KIF7: variants seen among roughly 807,000 people sequenced by gnomAD.
The protein encoded by KIF7 is kinesin-like protein KIF7.
In KIF7, 104 loss-of-function variants were observed where a neutral mutation model predicts 135.7. The observed-to-expected ratio is 0.77, with a 90% CI of 0.65 to 0.90. The LOEUF is 0.90. Ranked by LOEUF, KIF7 falls within the 40% of genes least tolerant of loss-of-function variation. The pLI is 0.00. For missense variants in KIF7, 2,005 were observed against 1,839.1 expected, an observed-to-expected ratio of 1.09 and a Z score of -1.65; for synonymous variants, 883 against 809.4, an observed-to-expected ratio of 1.09 and a Z score of -1.54.
At chr15:89,632,647 C>A (rs980693271) in intron 14 of KIF7, among the ~76,000 whole-genome samples, 173 bp downstream of exon 14, 4 of 152,162 alleles carry the variant, frequency 2.6e-5, no homozygotes, top group African/African-American at 7.2e-5. Flanking sequence ...CCTGTCTAGA[C>A]CTCGCCTGGC....
chr15:89,623,795 C>T (rs1343998808), downstream of KIF7: 1 of 1,613,992 alleles, frequency 6.2e-7, no homozygotes, highest in East Asian at 2.2e-5. Context: ...GACTCCTCCT[C>T]ACCCGGCCAT....
intron 11 of KIF7, among the ~76,000 whole-genome samples, chr15:89,635,809 T>C (rs1254549016): frequency 1.3e-5 from 2 of 151,992 alleles, no homozygotes; most frequent in African/African-American, 2.4e-5. Flanking sequence ...AACATTCAGA[T>C]TCAGGAAATA....
chr15:89,646,271 C>G (rs1481013091), intron 7 of KIF7, among the ~76,000 whole-genome samples: 1 of 152,092 alleles, frequency 6.6e-6, no homozygotes, highest in African/African-American at 2.4e-5. Flanking sequence ...CCCTTTCTAC[C>G]TTGTGTACAG....
rs780205640 is a variant in KIF7, at chr15:89,648,779, G to C, written c.924-5C>G. ...CCCAGCGAGTCTTTGAGGATCCTGA[G>C]GGCGCGAGGGGGAGGCTCTCAGGGG... On this transcript the variant is annotated splice_region_variant and splice_polypyrimidine_tract_variant and intron_variant, in intron 4 of 18. Transcript: ENST00000394412. 1 of 1,530,004 alleles carries C rather than the reference G, an allele frequency of 6.5e-7. No individual in the cohort carries two copies. The highest frequency in any genetic ancestry group is 1.4e-5 in the African/African-American group (1 of 72,996). The allele number at this position is 1,530,004 out of a possible 1,614,324, so 94.8% of individuals were successfully genotyped here. A position where few individuals can be genotyped will look rare whatever the true frequency, so the allele number is the denominator to read the frequency against.
downstream of KIF7, chr15:89,624,385 T>A (rs1401038702): frequency 6.2e-7 from 1 of 1,614,108 alleles, no homozygotes; most frequent in Non-Finnish European, 8.5e-7. Flanking sequence ...CCCTGTTCCC[T>A]CAACTCCCCC....
At chr15:89,621,359 A>G (rs1247495345) in intron 1 of KIF7, 1 of 1,579,538 alleles carries the variant, frequency 6.3e-7, no homozygotes, top group East Asian at 2.2e-5. Context: ...GAATTGAGAA[A>G]GAATTAAATA....
In KIF7 at chr15:89,646,333, G is replaced by C. The variant is rs778833437; in HGVS notation, c.1789-307C>G. ...CCACCAATTCCCTGCCAGAGTGATGGGTGAACATGAGACTTCTGCCAACCC... is the reference window on the plus strand; with the variant it reads ...CCACCAATTCCCTGCCAGAGTGATGCGTGAACATGAGACTTCTGCCAACCC... On this transcript the variant is annotated intron_variant, in intron 7 of 18. Coordinates refer to ENST00000394412, the MANE Select transcript of KIF7 (RefSeq NM_198525.3). Among the ~76,000 whole-genome samples, 75 of 152,228 alleles carry C rather than the reference G, an allele frequency of 4.9e-4. 1 individual carries two copies. The highest frequency in any genetic ancestry group is 5.2e-4 in the Admixed American group (8 of 15,298).
upstream of KIF7, among the ~76,000 whole-genome samples, chr15:89,660,070 C>T (rs371682555): frequency 9.9e-4 from 150 of 152,186 alleles, no homozygotes; most frequent in Non-Finnish European, 1.9e-3. Context: ...TGGTGGCGAG[C>T]GCCTGTAGTC....
chr15:89,633,249 A>T lies in KIF7; in HGVS notation c.2610T>A (p.His870Gln), dbSNP rs771049459. Residue 870 changes from histidine to glutamine, a missense_variant, in exon 13 of 19, where the codon CAT (histidine) becomes CAA (glutamine). By Grantham distance (24) the His-to-Gln change is conservative. Coordinates refer to ENST00000394412, the MANE Select transcript of KIF7 (RefSeq NM_198525.3). ...TCTTCAGGATCTTCTGCTGTTGCTC[A>T]TGCTTCAGCTCCAGCTCCTGGGTGA... ...QHRVKELELK[H>Q]EQQQKILKIK... 4.4e-6 allele frequency: 7 copies of T among 1,576,926 alleles called. No individual in the cohort carries two copies. The Admixed American group carries it at 1.3e-4, about 29-fold the overall frequency.
At chr15:89,630,200 G>T (rs143669426) in intron 16 of KIF7, 87 bp downstream of exon 16, 2 of 1,255,648 alleles carry the variant, frequency 1.6e-6, no homozygotes, top group Non-Finnish European at 2.3e-6. Flanking sequence ...GGGAGGAAAC[G>T]GGATATCCGC....
chr15:89,627,019 G>A, downstream of KIF7: 1 of 1,614,124 alleles, frequency 6.2e-7, no homozygotes, highest in South Asian at 1.1e-5. Flanking sequence ...GCTTTCTCCA[G>A]GAGGCGCCCC....
At position 89,630,003 on chromosome 15, in the gene KIF7, T is replaced by C. The variant is rs921677943; in HGVS notation, c.3318+284A>G. The C allele has an allele frequency of 1.5e-5, 8 of 544,142 alleles. No homozygotes were observed. In the Admixed American group the frequency reaches 2.5e-4, roughly 17 times the overall value. The allele number at this position is 544,142 out of a possible 1,614,324, so 33.7% of individuals were successfully genotyped here. ...AAAAGTATCTCCAGCCATGGCCAAATGTCACAAAAGGGCAAAAACTTCCCC... is the reference window on the plus strand; with the variant it reads ...AAAAGTATCTCCAGCCATGGCCAAACGTCACAAAAGGGCAAAAACTTCCCC... On this transcript the variant is annotated intron_variant, in intron 16 of 18. Transcript: ENST00000394412.
At chr15:89,638,093 A>G (rs1364293903) in intron 11 of KIF7, among the ~76,000 whole-genome samples, 1 of 151,476 alleles carries the variant, frequency 6.6e-6, no homozygotes, top group Non-Finnish European at 1.5e-5. Flanking sequence ...TAGATGCAGA[A>G]AAGGCCTTTG....
At position 89,652,932 on chromosome 15, in the gene KIF7, C is replaced by A; in HGVS notation, c.-2G>T. Reference sequence around the variant, plus strand: ...CAGCCTCTGAGCCTCCAGCCCCATGCCGAGGGAGGACTGCTCTGGGCCCTG... The same window carrying A: ...CAGCCTCTGAGCCTCCAGCCCCATGACGAGGGAGGACTGCTCTGGGCCCTG... On this transcript the variant is annotated 5_prime_UTR_variant, in exon 2 of 19. Coordinates refer to ENST00000394412, the MANE Select transcript of KIF7 (RefSeq NM_198525.3). The A allele has an allele frequency of 1.3e-6, 2 of 1,510,734 alleles. No homozygotes were observed. Among genetic ancestry groups the A allele is most frequent in the Non-Finnish European group, 1.8e-6 (2 of 1,126,576 alleles). The allele number at this position is 1,510,734 out of a possible 1,614,324, so 93.6% of individuals were successfully genotyped here. A position where few individuals can be genotyped will look rare whatever the true frequency, so the allele number is the denominator to read the frequency against.
In KIF7 at chr15:89,628,995, G is replaced by A. The variant is rs201642543; in HGVS notation, c.3645C>T (p.Asn1215=). The change falls in exon 18 of 19, where the codon AAC becomes AAT. Residue 1215 remains asparagine (N), a synonymous_variant. Transcript: ENST00000394412. ...QELKQKLGGV[N]AVGHSRGGEK... is the part of the protein sequence containing the mutation. ...AGTTACCCCTGCTGTGGCCTACAGC[G>A]TTCACACCGCCGAGCTTCTGTTTCA... 53 of 1,613,658 alleles carry A rather than the reference G, an allele frequency of 3.3e-5. 1 individual carries two copies. The highest frequency in any genetic ancestry group is 2.3e-4 in the South Asian group (21 of 91,060).
chr15:89,640,554 T>C (rs532796411), intron 11 of KIF7, among the ~76,000 whole-genome samples: 7 of 152,188 alleles, frequency 4.6e-5, no homozygotes, highest in Middle Eastern at 3.4e-3. Context: ...CCAGAGCCCA[T>C]GCTCTCAACC....
intron 10 of KIF7, among the ~76,000 whole-genome samples, chr15:89,643,509 G>A (rs900858770): frequency 6.6e-6 from 1 of 152,172 alleles, no homozygotes; most frequent in African/African-American, 2.4e-5. Context: ...TGTGTGTGTG[G>A]AACAAATGTG....
At chr15:89,621,382 T>C in intron 1 of KIF7, 1 of 1,589,374 alleles carries the variant, frequency 6.3e-7, no homozygotes, top group East Asian at 2.2e-5. Flanking sequence ...GTTGCTGTTT[T>C]TGACTTGCAG....
At chr15:89,633,977 C>A in intron 11 of KIF7, 94 bp from the exon 12 acceptor site, 1 of 1,342,078 alleles carries the variant, frequency 7.5e-7, no homozygotes, top group Non-Finnish European at 1.1e-6. Flanking sequence ...AGATAGAGGG[C>A]AAATGGGTAG....
Sources: gnomAD v4.1 joint callset for allele counts (sites outside exome capture counted in the v4.1 genomes callset) on GRCh38, gnomAD v4.1.1 for gene constraint, MANE v1.5 for transcripts, NCBI Gene and HGNC (gene_info 2026-07-23, HGNC 2026-07-21) for gene names.